Variants in DNAJB2 observed in about 807,000 individuals in gnomAD.
DNAJB2 encodes DnaJ heat shock protein family (Hsp40) member B2.
Under a neutral mutation model 33.3 loss-of-function variants are expected in DNAJB2, and 19 were observed. The observed-to-expected ratio is 0.57, with a 90% confidence interval of 0.40 to 0.84. DNAJB2 has a LOEUF of 0.84. Ranked by LOEUF, DNAJB2 falls within the 40% of genes least tolerant of loss-of-function variation. DNAJB2 has a pLI of 0.00. For synonymous variants in DNAJB2, 172 were observed against 164.6 expected, an observed-to-expected ratio of 1.04 and a Z score of -0.34; for missense variants, 368 against 430.9, an observed-to-expected ratio of 0.85 and a Z score of 1.29.
chr2:219,285,005 A>T lies in DNAJB2; in HGVS notation c.*18A>T. The T allele has an allele frequency of 6.8e-7, 1 of 1,470,166 alleles. No homozygotes were observed. The highest frequency in any genetic ancestry group is 9.0e-7 in the Non-Finnish European group (1 of 1,105,374). The allele number at this position is 1,470,166 out of a possible 1,614,324, so 91.1% of individuals were successfully genotyped here. A position where few individuals can be genotyped will look rare whatever the true frequency, so the allele number is the denominator to read the frequency against. On this transcript the variant is annotated 3_prime_UTR_variant, in exon 9 of 9. Coordinates refer to ENST00000336576, the MANE Select transcript of DNAJB2 (RefSeq NM_006736.6). The stretch of plus-strand genomic sequence containing the variant: ...TCCTCTGAACACCGGGCCCAACCTG[A>T]TCTGATCCAGATCTTGACTGGGGGG...
rs900363498 is a variant in DNAJB2, at chr2:219,286,470, C to T, written c.*1483C>T. On this transcript the variant is annotated 3_prime_UTR_variant, in exon 9 of 9. Coordinates refer to ENST00000336576, the MANE Select transcript of DNAJB2 (RefSeq NM_006736.6). ...GGTTAGAGTGGGCAGGGCAGAGCCG[C>T]GCAGCACCTGGGAGCGGTACCTTTC... 29 of 158,502 alleles carry T rather than the reference C, an allele frequency of 1.8e-4. No homozygotes were observed. The highest frequency in any genetic ancestry group is 5.3e-4 in the African/African-American group (22 of 41,846). 9.8% of individuals were successfully genotyped at this position (158,502 alleles called of 1,614,324 possible).
At position 219,280,564 on chromosome 2, in the gene DNAJB2, C is replaced by G. The variant is rs2276638; in HGVS notation, c.66-14C>G. 1 of 1,607,798 alleles carries G rather than the reference C, an allele frequency of 6.2e-7. No homozygotes were observed. Among genetic ancestry groups the G allele is most frequent in the African/African-American group, 1.3e-5 (1 of 74,756 alleles). On this transcript the variant is annotated splice_polypyrimidine_tract_variant and intron_variant, in intron 2 of 8. Coordinates refer to ENST00000336576, the MANE Select transcript of DNAJB2 (RefSeq NM_006736.6). ...TTGTCCCCCGACTCTCTCCTCTGCA[C>G]CCACTTTCTGCAGGTATCGGCGCAA...
Position 219,280,697 on chromosome 2 carries a change from G to A in DNAJB2, c.175+10G>A, listed in dbSNP as rs772494708. 2.6e-5 allele frequency: 41 copies of A among 1,599,934 alleles called. No individual in the cohort carries two copies. The highest frequency in any genetic ancestry group is 4.4e-5 in the South Asian group (4 of 90,564). ...GAAGTGCTGTCTGACAGTAAGGGCC[G>A]GGGTCAGGCAGGACCCAGCACATCA... is the stretch of plus-strand genomic sequence containing the variant. On this transcript the variant is annotated intron_variant, in intron 3 of 8. Transcript: ENST00000336576.
chr2:219,283,989 C>A (rs1951930308), intron 8 of DNAJB2, among the ~76,000 whole-genome samples: 2 of 152,240 alleles, frequency 1.3e-5, no homozygotes, highest in African/African-American at 4.8e-5. Flanking sequence ...CACAGCTAAC[C>A]TTTCACGCCT....
At position 219,279,982 on chromosome 2, in the gene DNAJB2, G is replaced by A; in HGVS notation, c.65+84G>A. 1 of 1,507,430 alleles carries A rather than the reference G, an allele frequency of 6.6e-7. No homozygotes were observed. Among genetic ancestry groups the A allele is most frequent in the Non-Finnish European group, 9.2e-7 (1 of 1,092,842 alleles). The allele number at this position is 1,507,430 out of a possible 1,614,324, so 93.4% of individuals were successfully genotyped here. A position where few individuals can be genotyped will look rare whatever the true frequency, so the allele number is the denominator to read the frequency against. ...GCACTTCAGAGTGACACCTGTAGGT[G>A]TCTGAGGGAACCAGGTCGTTAGAAA... On this transcript the variant is annotated intron_variant, in intron 2 of 8. Coordinates refer to ENST00000336576, the MANE Select transcript of DNAJB2 (RefSeq NM_006736.6). This position sits in a 1 kb window ranked among gnomAD's most constrained non-coding sequence, Gnocchi z 4.9.
intron 3 of DNAJB2, 123 bp downstream of exon 3, chr2:219,280,810 T>A: frequency 2.8e-6 from 2 of 714,414 alleles, no homozygotes; most frequent in Non-Finnish European, 4.7e-6. Flanking sequence ...GCCTGACATT[T>A]AAGCTCCCCC....
In DNAJB2 at chr2:219,285,034, G is replaced by A. The variant is rs1951942768; in HGVS notation, c.*47G>A. On this transcript the variant is annotated 3_prime_UTR_variant, in exon 9 of 9. Transcript: ENST00000336576. ...GATCCAGATCTTGACTGGGGGGTCT[G>A]ACTCACTGTGGGAAGAGAAGAGGGG... 1 of 1,444,172 alleles carries A rather than the reference G, an allele frequency of 6.9e-7. No homozygotes were observed. Among genetic ancestry groups the A allele is most frequent in the Non-Finnish European group, 9.2e-7 (1 of 1,092,812 alleles). 89.5% of individuals were successfully genotyped at this position (1,444,172 alleles called of 1,614,324 possible). A position where few individuals can be genotyped will look rare whatever the true frequency, so the allele number is the denominator to read the frequency against.
At position 219,286,322 on chromosome 2, in the gene DNAJB2, T is replaced by G. The variant is rs961934808; in HGVS notation, c.*1335T>G. 3 of 338,748 alleles carry G rather than the reference T, an allele frequency of 8.9e-6. No individual in the cohort carries two copies. Among genetic ancestry groups the G allele is most frequent in the Admixed American group, 4.1e-5 (1 of 24,648 alleles). 21.0% of individuals were successfully genotyped at this position (338,748 alleles called of 1,614,324 possible). A position where few individuals can be genotyped will look rare whatever the true frequency, so the allele number is the denominator to read the frequency against. ...GGACATGTAGTAGCCCAGGTCGGCT[T>G]GTCACTCGCTGTGAGATGGGGAGAT... is the stretch of plus-strand genomic sequence containing the variant. On this transcript the variant is annotated 3_prime_UTR_variant, in exon 9 of 9. Transcript: ENST00000336576.
At chr2:219,280,516 T>G in intron 2 of DNAJB2, 62 bp from the exon 3 acceptor site, 1 of 1,380,520 alleles carries the variant, frequency 7.2e-7, no homozygotes, top group Non-Finnish European at 1.0e-6. Context: ...GTCGTTCGGT[T>G]CCTGGGTGGG....
chr2:219,284,761 C>A lies in DNAJB2; in HGVS notation c.749C>A (p.Ser250Tyr), dbSNP rs777742159. 1.2e-6 allele frequency: 2 copies of A among 1,613,534 alleles called. No homozygotes were observed. Among genetic ancestry groups the A allele is most frequent in the South Asian group, 2.2e-5 (2 of 91,070 alleles). The stretch of plus-strand genomic sequence containing the variant: ...TCATGCCCCTTGGACAGCGACCTCT[C>A]TGAGGATGAGGACCTGCAGCTGGCC... Reference protein sequence around the residue: ...PASCPLDSDLSEDEDLQLAMA... With the variant: ...PASCPLDSDLYEDEDLQLAMA... The change falls in exon 9 of 9, where the codon TCT becomes TAT. Residue 250 changes from serine to tyrosine, a missense_variant. Transcript: ENST00000336576.
intron 2 of DNAJB2, chr2:219,280,112 C>G: frequency 1.7e-6 from 1 of 593,224 alleles, no homozygotes; most frequent in South Asian, 2.0e-5. Context: ...CCTCTGGGAG[C>G]TGCACTGTGT....
chr2:219,283,511 C>G, intron 8 of DNAJB2, 22 bp downstream of exon 8: 1 of 1,605,632 alleles, frequency 6.2e-7, no homozygotes, highest in South Asian at 1.1e-5. Context: ...CTCCCCTACC[C>G]AGCCCCTGGC....
chr2:219,286,411 C>A lies in DNAJB2; in HGVS notation c.*1424C>A. On this transcript the variant is annotated 3_prime_UTR_variant, in exon 9 of 9. Transcript: ENST00000336576. ...GTAGATGAAGGGGGAATGATCTGAG[C>A]CTTGGTTCCCCTGACACGTCTTGCT... 1 of 179,948 alleles carries A rather than the reference C, an allele frequency of 5.6e-6. No individual in the cohort carries two copies. The highest frequency in any genetic ancestry group is 1.2e-5 in the Non-Finnish European group (1 of 84,038). 11.1% of individuals were successfully genotyped at this position (179,948 alleles called of 1,614,324 possible). A position where few individuals can be genotyped will look rare whatever the true frequency, so the allele number is the denominator to read the frequency against.
Position 219,280,284 on chromosome 2 carries a change from C to T in DNAJB2, c.66-294C>T, listed in dbSNP as rs1337952652. 2.3e-5 allele frequency: 12 copies of T among 532,200 alleles called. No homozygotes were observed. In the East Asian group the frequency reaches 3.8e-4, roughly 17 times the overall value. 33.0% of individuals were successfully genotyped at this position (532,200 alleles called of 1,614,324 possible). On this transcript the variant is annotated intron_variant, in intron 2 of 8. Coordinates refer to ENST00000336576, the MANE Select transcript of DNAJB2 (RefSeq NM_006736.6). ...GAGGGGCCGGTGTCCCTGTACTCTT[C>T]GAGGCCACATGTGCCCCAACCTTTG...
Position 219,279,487 on chromosome 2 carries a change from G to C in DNAJB2, c.-68G>C. 4.4e-6 allele frequency: 1 copy of C among 227,684 alleles called. No homozygotes were observed. The highest frequency in any genetic ancestry group is 8.7e-6 in the Non-Finnish European group (1 of 115,440). The allele number at this position is 227,684 out of a possible 1,614,324, so 14.1% of individuals were successfully genotyped here. ...TCCCGGCGGGGGGCAGGGGCGGGGC[G>C]CCGCAGGAGGCCGGGACTCCTGGCG... On this transcript the variant is annotated 5_prime_UTR_variant, in exon 1 of 9. Coordinates refer to ENST00000336576, the MANE Select transcript of DNAJB2 (RefSeq NM_006736.6). The surrounding 1 kb of genome is among the most constrained non-coding windows in gnomAD (Gnocchi z 4.9).
At chr2:219,281,184 A>C (rs1252208541) in intron 3 of DNAJB2, 1 of 190,138 alleles carries the variant, frequency 5.3e-6, no homozygotes. Context: ...ACAAGCAGGC[A>C]CTGTCTTTGC....
chr2:219,281,732 A>G lies in DNAJB2; in HGVS notation c.190A>G (p.Ile64Val), dbSNP rs1165402332. The G allele has an allele frequency of 1.9e-6, 3 of 1,613,786 alleles. No homozygotes were observed. Among genetic ancestry groups the G allele is most frequent in the African/African-American group, 2.7e-5 (2 of 74,856 alleles). Residue 64 changes from isoleucine to valine, a missense_variant, in exon 4 of 9, where the codon ATT becomes GTT. Physicochemically the swap from Ile to Val is conservative, Grantham distance 29. Transcript: ENST00000336576. ...EVLSDKHKREIYDRYGREGLT... is the reference protein window; with the variant it reads ...EVLSDKHKREVYDRYGREGLT... The stretch of plus-strand genomic sequence containing the variant: ...TCTTTTTGCAGAGCACAAGCGGGAG[A>G]TTTACGACCGCTATGGCCGGGAAGG...
intron 6 of DNAJB2, 80 bp from the exon 7 acceptor site, chr2:219,283,053 C>T: frequency 6.3e-7 from 1 of 1,590,136 alleles, no homozygotes; most frequent in Non-Finnish European, 8.6e-7. Context: ...TGCGAGGCGG[C>T]CTGGAGCCTC....
Position 219,279,544 on chromosome 2 carries a change from T to C in DNAJB2, c.-37+26T>C. ...GTGCGGCCGGGGGCCCGGGTCAGGC[T>C]GGGGGCCCTGGATCGGACTGCTGGA... On this transcript the variant is annotated intron_variant, in intron 1 of 8. Coordinates refer to ENST00000336576, the MANE Select transcript of DNAJB2 (RefSeq NM_006736.6). This position sits in a 1 kb window ranked among gnomAD's most constrained non-coding sequence, Gnocchi z 4.9. 1.1e-5 allele frequency: 4 copies of C among 379,554 alleles called. No individual in the cohort carries two copies. Among genetic ancestry groups the C allele is most frequent in the Non-Finnish European group, 1.9e-5 (4 of 206,884 alleles). 23.5% of individuals were successfully genotyped at this position (379,554 alleles called of 1,614,324 possible). A position where few individuals can be genotyped will look rare whatever the true frequency, so the allele number is the denominator to read the frequency against.
Sources: gnomAD v4.1 joint callset for allele counts (sites outside exome capture counted in the v4.1 genomes callset) on GRCh38, gnomAD v4.1.1 for gene constraint, Gnocchi (gnomAD v3.1) non-coding constraint, MANE v1.5 for transcripts, NCBI Gene and HGNC (gene_info 2026-07-23, HGNC 2026-07-21) for gene names.